The following RGS6 variants were observed in gnomAD, a reference collection of about 807,000 sequenced individuals.
The protein encoded by RGS6 is regulator of G protein signaling 6.
A neutral mutation model predicts 78.5 loss-of-function variants in RGS6; 30 were observed. The ratio of observed to expected loss-of-function variants is 0.38; its 90% CI spans 0.29 to 0.52. RGS6 has a LOEUF of 0.52. Ranked by LOEUF, RGS6 falls within the 20% of genes least tolerant of loss-of-function variation. The pLI, the probability that RGS6 is intolerant of heterozygous loss-of-function variation, is 0.85. For missense variants in RGS6, 495 were observed against 609.7 expected (o/e 0.81, Z 1.98); for synonymous variants, 206 against 206.0 (o/e 1.00, Z 0.00).
chr14:72,303,895 T>C (rs1485401831), intron 2 of RGS6, among the ~76,000 whole-genome samples: 2 of 152,216 alleles, frequency 1.3e-5, no homozygotes, highest in African/African-American at 4.8e-5. Context: ...TTTAATGTAG[T>C]GCCTTTGAGC....
chr14:72,285,628 A>C (rs1486759471), intron 2 of RGS6, among the ~76,000 whole-genome samples: 1 of 152,196 alleles, frequency 6.6e-6, no homozygotes, highest in Non-Finnish European at 1.5e-5. Context: ...TTTACATTTT[A>C]CATTTCCACT....
chr14:72,588,935 C>T, the RGS6 span, among the ~76,000 whole-genome samples: 1 of 152,162 alleles, frequency 6.6e-6, no homozygotes, highest in Admixed American at 6.5e-5. Flanking sequence ...GATTGGCTGC[C>T]AGCATGCCCC....
chr14:72,212,375 C>T (rs1280548631), intron 2 of RGS6, among the ~76,000 whole-genome samples: 1 of 152,176 alleles, frequency 6.6e-6, no homozygotes, highest in East Asian at 1.9e-4. Flanking sequence ...CCTGTGTTAG[C>T]TGCCAACAAT....
the RGS6 span, among the ~76,000 whole-genome samples, chr14:72,598,370 T>A: frequency 6.6e-6 from 1 of 152,218 alleles, no homozygotes; most frequent in South Asian, 2.1e-4. Context: ...AATTTTCTCA[T>A]TGAGAGACCA....
intron 14 of RGS6, among the ~76,000 whole-genome samples, chr14:72,515,288 CTGT>C (rs2096927093): frequency 3.3e-5 from 5 of 150,998 alleles, no homozygotes; most frequent in Admixed American, 3.3e-4. Flanking sequence ...TCCAGCATGC[CTGT>C]TGTTTTCACT....
At chr14:71,891,232 C>T in the RGS6 span, among the ~76,000 whole-genome samples, 3 of 152,108 alleles carry the variant, frequency 2.0e-5, no homozygotes, top group Admixed American at 1.3e-4. Context: ...ACACAATTAC[C>T]CCAGGGCCAG....
intron 4 of RGS6, among the ~76,000 whole-genome samples, chr14:72,457,812 G>A (rs1483172409): frequency 6.6e-6 from 1 of 152,150 alleles, no homozygotes; most frequent in African/African-American, 2.4e-5. Context: ...ATTGGGGAAC[G>A]CACTGGGAGT....
At chr14:72,007,514 G>C (rs531938289) in intron 2 of RGS6, among the ~76,000 whole-genome samples, 1 of 152,314 alleles carries the variant, frequency 6.6e-6, no homozygotes, top group African/African-American at 2.4e-5. Context: ...GGCTTTGAAC[G>C]TGGCCCAACA....
At chr14:72,297,898 G>A (rs1305682109) in intron 2 of RGS6, among the ~76,000 whole-genome samples, 1 of 151,540 alleles carries the variant, frequency 6.6e-6, no homozygotes, top group Admixed American at 6.6e-5. Flanking sequence ...ATTTTAACAT[G>A]TTACATTGAT....
the RGS6 span, among the ~76,000 whole-genome samples, chr14:71,882,402 G>A: frequency 6.6e-6 from 1 of 152,194 alleles, no homozygotes; most frequent in Non-Finnish European, 1.5e-5. Context: ...ATCATGAATA[G>A]TGCTGCTATG....
chr14:72,420,643 C>G (rs901198515), intron 3 of RGS6, among the ~76,000 whole-genome samples: 1 of 151,644 alleles, frequency 6.6e-6, no homozygotes, highest in African/African-American at 2.4e-5. Context: ...ATTCATATTA[C>G]CTGAAGGTCC....
the RGS6 span, among the ~76,000 whole-genome samples, chr14:71,915,050 C>T: frequency 2.3e-4 from 35 of 149,930 alleles, no homozygotes; most frequent in African/African-American, 7.9e-4. Flanking sequence ...GAGTTTGAGA[C>T]AAGCCTGGCC....
At position 72,362,382 on chromosome 14, in the gene RGS6, G is replaced by T. The variant is rs1390684591; in HGVS notation, c.184+10188G>T. 2.0e-5 allele frequency among the ~76,000 whole-genome samples: 3 copies of T among 152,146 alleles called. No homozygotes were observed. The East Asian group carries it at 5.8e-4, about 29-fold the overall frequency. On this transcript the variant is annotated intron_variant, in intron 3 of 17. Transcript: ENST00000553525. Reference sequence around the variant, plus strand: ...TATAACAAACCCACAAACTATAATTGCTTACAACTACAGTGATTTATTGTT... The same window carrying T: ...TATAACAAACCCACAAACTATAATTTCTTACAACTACAGTGATTTATTGTT...
chr14:72,583,170 G>A, the RGS6 span, among the ~76,000 whole-genome samples: 6 of 152,152 alleles, frequency 3.9e-5, no homozygotes, highest in Non-Finnish European at 8.8e-5. Context: ...CAAACTGAGA[G>A]TAACACCACC....
At chr14:72,356,644 A>G (rs1374894125) in intron 3 of RGS6, among the ~76,000 whole-genome samples, 1 of 152,158 alleles carries the variant, frequency 6.6e-6, no homozygotes, top group Non-Finnish European at 1.5e-5. Flanking sequence ...CATGGAAGGG[A>G]CCTGGTGGGA....
intron 2 of RGS6, among the ~76,000 whole-genome samples, chr14:72,134,536 G>T (rs1474237999): frequency 6.6e-6 from 1 of 152,224 alleles, no homozygotes; most frequent in Non-Finnish European, 1.5e-5. Context: ...ATGGAGGCAG[G>T]CATGTGCCAT....
chr14:72,305,319 T>A (rs2066986635), intron 2 of RGS6, among the ~76,000 whole-genome samples: 1 of 152,242 alleles, frequency 6.6e-6, no homozygotes, highest in South Asian at 2.1e-4. Flanking sequence ...TACATATAGA[T>A]GCATCTTCTC....
At chr14:72,080,412 T>C (rs1347704310) in intron 2 of RGS6, among the ~76,000 whole-genome samples, 2 of 152,166 alleles carry the variant, frequency 1.3e-5, no homozygotes, top group South Asian at 2.1e-4. Flanking sequence ...GCATTCCTTA[T>C]ACATTTTGGG....
Position 72,159,573 on chromosome 14 carries a change from T to C in RGS6, c.85-192522T>C, listed in dbSNP as rs554145249. Among the ~76,000 whole-genome samples the C allele has an allele frequency of 5.3e-5, 8 of 152,224 alleles. No homozygotes were observed. The South Asian group carries it at 1.7e-3, about 32-fold the overall frequency. ...AAGGCAGTCTTTGAATGTGATGTTT[T>C]CCTAGATCGTACTGGTGGAATTTAG... is the stretch of plus-strand genomic sequence containing the variant. On this transcript the variant is annotated intron_variant, in intron 2 of 17. Coordinates refer to ENST00000553525, the MANE Select transcript of RGS6 (RefSeq NM_001204424.2).
Sources: gnomAD v4.1 joint callset for allele counts (sites outside exome capture counted in the v4.1 genomes callset) on GRCh38, gnomAD v4.1.1 for gene constraint, MANE v1.5 for transcripts, NCBI Gene and HGNC (gene_info 2026-07-23, HGNC 2026-07-21) for gene names.